The following DCDC2B variants were observed in gnomAD, a reference collection of about 807,000 sequenced individuals.
DCDC2B encodes doublecortin domain containing 2B, also known as doublecortin domain-containing protein 2B.
Under a neutral mutation model 38.9 loss-of-function variants are expected in DCDC2B, and 41 were observed. The ratio of observed to expected loss-of-function variants is 1.05; its 90% CI spans 0.82 to 1.37. The LOEUF (loss-of-function observed/expected upper bound fraction) is 1.37, where lower values mean the gene tolerates loss of function less well. Among genes scored for constraint, DCDC2B ranks in the 40% most tolerant of loss-of-function variants. DCDC2B has a pLI of 0.00. For synonymous variants in DCDC2B, 181 were observed against 171.9 expected (o/e 1.05, Z -0.41); for missense variants, 453 against 427.2 (o/e 1.06, Z -0.53).
chr1:32,216,099 G>C lies in DCDC2B; in HGVS notation c.*202G>C. The C allele has an allele frequency of 1.5e-6, 1 of 674,300 alleles. No individual in the cohort carries two copies. Among genetic ancestry groups the C allele is most frequent in the Non-Finnish European group, 2.5e-6 (1 of 402,882 alleles). 41.8% of individuals were successfully genotyped at this position (674,300 alleles called of 1,614,324 possible). A position where few individuals can be genotyped will look rare whatever the true frequency, so the allele number is the denominator to read the frequency against. The stretch of plus-strand genomic sequence containing the variant: ...CTCTGAGCAGAGCAGCCCTGGCTGT[G>C]GGGGCTATTTCCTTATGGGATTCTC... On this transcript the variant is annotated 3_prime_UTR_variant, in exon 9 of 9. Transcript: ENST00000409358.
In DCDC2B at chr1:32,211,318, C is replaced by T. The variant is rs1331521949; in HGVS notation, c.313C>T (p.Leu105=). The T allele has an allele frequency of 1.9e-6, 3 of 1,613,938 alleles. No individual in the cohort carries two copies. Among genetic ancestry groups the T allele is most frequent in the Non-Finnish European group, 2.5e-6 (3 of 1,179,858 alleles). Residue 105 remains leucine, a synonymous_variant, in exon 2 of 9, where the codon CTA becomes TTA. Coordinates refer to ENST00000409358, the MANE Select transcript of DCDC2B (RefSeq NM_001099434.2). The part of the protein sequence containing the change: ...GKDPGGKSCR[L]QGPPVTRHLC... ...GGACCCAGGTGGGAAGAGCTGCAGA[C>T]TACAAGTGAGTCCCGGGGAACCTGT...
chr1:32,211,466 T>TG (rs1414863997), intron 2 of DCDC2B, 143 bp downstream of exon 2: 4 of 833,306 alleles, frequency 4.8e-6, no homozygotes, highest in Non-Finnish European at 7.5e-6. Flanking sequence ...CTATCTTTCC[T>TG]GGGGCGTGGG....
intron 1 of DCDC2B, among the ~76,000 whole-genome samples, chr1:32,210,668 G>C (rs772731164): frequency 6.6e-6 from 1 of 151,972 alleles, no homozygotes; most frequent in Non-Finnish European, 1.5e-5. Flanking sequence ...GAATATTCTT[G>C]GGATACAGCA....
At chr1:32,215,668 C>T (rs1471302414) in intron 8 of DCDC2B, 125 bp downstream of exon 8, 4 of 1,116,422 alleles carry the variant, frequency 3.6e-6, no homozygotes, top group Admixed American at 5.4e-5. Context: ...CTCCTAACTT[C>T]CTACCTTGTT....
intron 6 of DCDC2B, 128 bp downstream of exon 6, chr1:32,212,921 T>G: frequency 2.6e-6 from 3 of 1,141,280 alleles, no homozygotes; most frequent in Non-Finnish European, 2.5e-6. Context: ...GACAGAGTCT[T>G]GCTCTGTAGT....
intron 6 of DCDC2B, among the ~76,000 whole-genome samples, chr1:32,213,763 G>T (rs1643682077): frequency 6.6e-6 from 1 of 151,366 alleles, no homozygotes. Flanking sequence ...GCCCACCTCA[G>T]CCTCCCAAAG....
chr1:32,215,051 T>TG (rs1242373483), intron 7 of DCDC2B, 119 bp downstream of exon 7: 2 of 1,199,082 alleles, frequency 1.7e-6, no homozygotes, highest in Non-Finnish European at 1.1e-6. Context: ...AAGCCGGCAC[T>TG]GGAAAAAAAA....
At chr1:32,211,430 C>A in intron 2 of DCDC2B, 107 bp downstream of exon 2, 1 of 1,151,740 alleles carries the variant, frequency 8.7e-7, no homozygotes, top group Non-Finnish European at 1.3e-6. Context: ...TCTGCCAGTT[C>A]CAGGGGGGTA....
intron 8 of DCDC2B, 78 bp downstream of exon 8, chr1:32,215,621 G>T: frequency 7.3e-7 from 1 of 1,363,590 alleles, no homozygotes; most frequent in South Asian, 1.3e-5. Context: ...TGGGCCCCAG[G>T]AACAGTTCTC....
Position 32,211,744 on chromosome 1 carries a change from C to A in DCDC2B, c.319-17C>A. 6.3e-7 allele frequency: 1 copy of A among 1,595,926 alleles called. No homozygotes were observed. Among genetic ancestry groups the A allele is most frequent in the Non-Finnish European group, 8.5e-7 (1 of 1,171,516 alleles). On this transcript the variant is annotated splice_polypyrimidine_tract_variant and intron_variant, in intron 2 of 8. Coordinates refer to ENST00000409358, the MANE Select transcript of DCDC2B (RefSeq NM_001099434.2). ...GGCCCCAACTCTCCTGATTTGGAGGCCTGACATGGGTTTCAGGGTCCTCCC... is the reference window on the plus strand; with the variant it reads ...GGCCCCAACTCTCCTGATTTGGAGGACTGACATGGGTTTCAGGGTCCTCCC...
rs7525030 is a variant in DCDC2B at position 32,210,758 on chromosome 1, G to A, written c.267-514G>A. Among the ~76,000 whole-genome samples the A allele has an allele frequency of 5.0e-3, 756 of 151,762 alleles. 2 individuals are homozygous for A. The highest frequency in any genetic ancestry group is 0.017 in the African/African-American group (716 of 41,344). ...AGGGTCTTGCTCTGTCACCCAGGCCGGAGTGCAGTGCACTGGCGCGATCAT... is the reference window on the plus strand; with the variant it reads ...AGGGTCTTGCTCTGTCACCCAGGCCAGAGTGCAGTGCACTGGCGCGATCAT... On this transcript the variant is annotated intron_variant, in intron 1 of 8. Coordinates refer to ENST00000409358, the MANE Select transcript of DCDC2B (RefSeq NM_001099434.2).
rs114381356 is a variant in DCDC2B at position 32,209,715 on chromosome 1, C to T, written c.266+356C>T. 4.5e-3 allele frequency among the ~76,000 whole-genome samples: 679 copies of T among 152,244 alleles called. 4 individuals carry two copies. The highest frequency in any genetic ancestry group is 0.027 in the Middle Eastern group (8 of 294). ...AACACTCTAAATCCACCCATCCATT[C>T]CTCCCCACTGTGCATAGGCATCCCA... is the stretch of plus-strand genomic sequence containing the variant. On this transcript the variant is annotated intron_variant, in intron 1 of 8. Coordinates refer to ENST00000409358, the MANE Select transcript of DCDC2B (RefSeq NM_001099434.2).
In DCDC2B at chr1:32,212,449, C is replaced by A. The variant is rs759620856; in HGVS notation, c.528-41C>A. 4 of 1,605,226 alleles carry A rather than the reference C, an allele frequency of 2.5e-6. No homozygotes were observed. The South Asian group carries it at 3.3e-5, about 13-fold the overall frequency. ...CAGTCTGCTGAATGTGAAGAAGCATCGAGTCTACCAGCCCTTATCCTCCTC... is the reference window on the plus strand; with the variant it reads ...CAGTCTGCTGAATGTGAAGAAGCATAGAGTCTACCAGCCCTTATCCTCCTC... On this transcript the variant is annotated intron_variant, in intron 4 of 8. Transcript: ENST00000409358.
rs1436897537 is a variant in DCDC2B at position 32,215,830 on chromosome 1, T to C, written c.983T>C (p.Leu328Ser). Residue 328 changes from leucine (L) to serine (S), a missense_variant, in exon 9 of 9, where the codon TTG (leucine) becomes TCG (serine). By Grantham distance (145) the Leu-to-Ser change is moderately radical. Coordinates refer to ENST00000409358, the MANE Select transcript of DCDC2B (RefSeq NM_001099434.2). ...QRAAQIVEEALSLENQPGAGA... is the reference protein window; with the variant it reads ...QRAAQIVEEASSLENQPGAGA... ...GCAGCACAGATAGTGGAAGAGGCCT[T>C]GTCCCTGGAAAACCAGCCTGGGGCT... 5 of 1,553,012 alleles carry C rather than the reference T, an allele frequency of 3.2e-6. No homozygotes were observed. The highest frequency in any genetic ancestry group is 1.4e-5 in the African/African-American group (1 of 73,108).
At chr1:32,214,312 CAAAAAAAAA>C (rs58837364) in intron 6 of DCDC2B, among the ~76,000 whole-genome samples, 24 of 51,976 alleles carry the variant, frequency 4.6e-4, no homozygotes, top group African/African-American at 1.4e-3. Flanking sequence ...ACTCAAGTCT[CAAAAAAAAA>C]AAAAAAAAAA....
intron 7 of DCDC2B, chr1:32,215,225 G>A (rs1638277321): frequency 1.7e-6 from 1 of 592,510 alleles, no homozygotes; most frequent in South Asian, 2.4e-5. Flanking sequence ...ACCTGGAAAG[G>A]GCAGTGCTTA....
intron 2 of DCDC2B, 55 bp from the exon 3 acceptor site, chr1:32,211,706 A>T: frequency 6.5e-7 from 1 of 1,546,896 alleles, no homozygotes; most frequent in East Asian, 2.4e-5. Flanking sequence ...GGATGGGCCC[A>T]CCCCTAACCA....
At chr1:32,209,976 TGAG>T (rs1643513141) in intron 1 of DCDC2B, among the ~76,000 whole-genome samples, 1 of 152,150 alleles carries the variant, frequency 6.6e-6, no homozygotes, top group South Asian at 2.1e-4. Context: ...GTGGATCACC[TGAG>T]GTCAGGTGTT....
chr1:32,215,101 G>T, intron 7 of DCDC2B, 169 bp downstream of exon 7: 1 of 950,568 alleles, frequency 1.1e-6, no homozygotes, highest in Non-Finnish European at 1.5e-6. Context: ...TGGCTCAGGA[G>T]ACTGCCCGTA....
Sources: allele counts gnomAD v4.1 joint callset (sites outside exome capture counted in the v4.1 genomes callset), GRCh38; gene constraint gnomAD v4.1.1; transcripts MANE v1.5; gene names NCBI Gene and HGNC (gene_info 2026-07-23, HGNC 2026-07-21).